SEM1: variants seen among roughly 807,000 people sequenced by gnomAD.
The protein encoded by SEM1 is SEM1 26S proteasome subunit.
A neutral mutation model predicts 12.7 loss-of-function variants in SEM1; 3 were observed. The ratio of observed to expected loss-of-function variants is 0.24; its 90% CI spans 0.11 to 0.61. The LOEUF is 0.61. Among genes scored for constraint, SEM1 ranks in the 20% least tolerant of loss-of-function variants. The pLI is 0.88. For missense variants in SEM1, 59 were observed against 81.3 expected (o/e 0.73, Z 1.06); for synonymous variants, 30 against 27.8 (o/e 1.08, Z -0.25).
downstream of SEM1, among the ~76,000 whole-genome samples, chr7:96,684,929 A>T (rs868436940): frequency 7.9e-5 from 12 of 152,086 alleles, no homozygotes; most frequent in Admixed American, 1.3e-4. Context: ...AACTCAGGAC[A>T]CTTAAAGGCA....
intron 2 of SEM1, among the ~76,000 whole-genome samples, chr7:96,679,069 AT>A (rs1202669239): frequency 2.0e-5 from 3 of 152,086 alleles, no homozygotes; most frequent in African/African-American, 7.2e-5. Context: ...AATAGCTTTA[AT>A]TTTTTTAACT....
rs1421596853 is a variant in SEM1, at chr7:96,615,239, A to ATTTTTTTTTTTTTTTTTTTTTTTT, written c.170+79558_170+79559insAAAAAAAAAAAAAAAAAAAAAAAA. Among the ~76,000 whole-genome samples the ATTTTTTTTTTTTTTTTTTTTTTTT allele has an allele frequency of 1.2e-4, 12 of 98,140 alleles. 4 individuals carry two copies. The highest frequency in any genetic ancestry group is 2.5e-4 in the Admixed American group (2 of 7,892). 64.4% of individuals were successfully genotyped at this position (98,140 alleles called of 152,430 possible). A position where few individuals can be genotyped will look rare whatever the true frequency, so the allele number is the denominator to read the frequency against. On this transcript the variant is annotated intron_variant and NMD_transcript_variant, in intron 2 of 3. Transcript: ENST00000466986. ...GGACTGTTGGGTTATTTTTTGAGTC[A>ATTTTTTTTTTTTTTTTTTTTTTTT]TCTTTTTTTTTTTTTTTTTTTTTTT...
intron 2 of SEM1, among the ~76,000 whole-genome samples, chr7:96,629,262 C>A (rs1276908021): frequency 6.6e-6 from 1 of 152,058 alleles, no homozygotes; most frequent in East Asian, 1.9e-4. Flanking sequence ...CTCTTTAAGG[C>A]CAACAACTCT....
intron 2 of SEM1, among the ~76,000 whole-genome samples, chr7:96,679,674 A>C (rs1053867864): frequency 1.3e-5 from 2 of 152,118 alleles, no homozygotes; most frequent in Non-Finnish European, 2.9e-5. Context: ...AATTGTCTAG[A>C]TACAACCAAT....
intron 2 of SEM1, among the ~76,000 whole-genome samples, chr7:96,680,790 A>G (rs998413870): frequency 1.3e-5 from 2 of 152,098 alleles, no homozygotes; most frequent in African/African-American, 4.8e-5. Context: ...CTTTTTGACA[A>G]CCCATCAACC....
chr7:96,587,171 A>T (rs916477034), intron 2 of SEM1, among the ~76,000 whole-genome samples: 6 of 152,196 alleles, frequency 3.9e-5, no homozygotes, highest in East Asian at 1.9e-4. Context: ...AGATTTTTTT[A>T]AAAATAGGAG....
intron 2 of SEM1, among the ~76,000 whole-genome samples, chr7:96,532,077 AG>A: frequency 6.6e-6 from 1 of 152,160 alleles, no homozygotes; most frequent in South Asian, 2.1e-4. Context: ...CTCACCCATT[AG>A]GTTCCGGGCC....
chr7:96,632,033 T>C (rs1281907032), intron 2 of SEM1, among the ~76,000 whole-genome samples: 3 of 152,126 alleles, frequency 2.0e-5, no homozygotes, highest in Non-Finnish European at 4.4e-5. Context: ...AGAATGGTGA[T>C]CATTAAAAAG....
chr7:96,698,902 C>A (rs1252575615), intron 1 of SEM1, among the ~76,000 whole-genome samples: 2 of 152,176 alleles, frequency 1.3e-5, no homozygotes, highest in African/African-American at 4.8e-5. Context: ...AGCGTTCCTA[C>A]TTCTCCACAT....
chr7:96,553,327 G>C (rs1323792500), intron 2 of SEM1, among the ~76,000 whole-genome samples: 3 of 151,706 alleles, frequency 2.0e-5, no homozygotes, highest in African/African-American at 7.3e-5. Context: ...TATGGTTTTA[G>C]GTCTAACATT....
intron 2 of SEM1, among the ~76,000 whole-genome samples, chr7:96,529,049 A>G (rs1353448626): frequency 1.3e-5 from 2 of 152,154 alleles, no homozygotes; most frequent in Non-Finnish European, 2.9e-5. Flanking sequence ...GGTTTGGAAG[A>G]AAGAATAAAG....
chr7:96,615,872 C>A (rs947816325), intron 2 of SEM1, among the ~76,000 whole-genome samples: 60 of 152,116 alleles, frequency 3.9e-4, no homozygotes, highest in African/African-American at 1.4e-3. Flanking sequence ...ATAATGGCCT[C>A]CAACCCAAAA....
chr7:96,659,810 GAATA>G (rs531455447), intron 2 of SEM1, among the ~76,000 whole-genome samples: 175 of 142,056 alleles, frequency 1.2e-3, no homozygotes, highest in African/African-American at 4.3e-3. Flanking sequence ...GGGAAAAATG[GAATA>G]AATAAACAAA....
chr7:96,576,810 T>G (rs1806217925), intron 2 of SEM1, among the ~76,000 whole-genome samples: 4 of 152,028 alleles, frequency 2.6e-5, no homozygotes, highest in Admixed American at 1.3e-4. Flanking sequence ...CTTCCTAATA[T>G]AGAACAATTA....
intron 2 of SEM1, among the ~76,000 whole-genome samples, chr7:96,544,374 T>A (rs961899468): frequency 6.6e-6 from 1 of 152,060 alleles, no homozygotes. Context: ...CCTGCTTTTT[T>A]AAATAGGATT....
At chr7:96,492,242 C>T (rs946744089) in intron 1 of SEM1, among the ~76,000 whole-genome samples, 2 of 152,150 alleles carry the variant, frequency 1.3e-5, no homozygotes, top group Non-Finnish European at 2.9e-5. Context: ...TTCCCCTCTC[C>T]CTTCAACCCC....
At chr7:96,631,878 T>C (rs567241155) in intron 2 of SEM1, among the ~76,000 whole-genome samples, 1 of 152,188 alleles carries the variant, frequency 6.6e-6, no homozygotes, top group East Asian at 1.9e-4. Flanking sequence ...AACAATGCCA[T>C]CAAAAGTGGG....
intron 2 of SEM1, among the ~76,000 whole-genome samples, chr7:96,681,723 T>C (rs1789619197): frequency 1.3e-5 from 2 of 152,130 alleles, no homozygotes. Flanking sequence ...CTGAGGCCTC[T>C]GTTCTGTTCC....
intron 3 of SEM1, among the ~76,000 whole-genome samples, chr7:96,503,727 C>G (rs990422459): frequency 6.6e-6 from 1 of 152,090 alleles, no homozygotes; most frequent in Admixed American, 6.6e-5. Flanking sequence ...AATAGATATT[C>G]TGAACAGAAA....
Sources: allele counts gnomAD v4.1 joint callset (sites outside exome capture counted in the v4.1 genomes callset), GRCh38; gene constraint gnomAD v4.1.1; transcripts MANE v1.5; gene names NCBI Gene and HGNC (gene_info 2026-07-23, HGNC 2026-07-21).